Variants in HS6ST3 observed in about 807,000 individuals in gnomAD.
The protein encoded by HS6ST3 is heparan-sulfate 6-O-sulfotransferase 3.
A neutral mutation model predicts 36.7 loss-of-function variants in HS6ST3; 12 were observed. The observed-to-expected ratio is 0.33, with a 90% CI of 0.21 to 0.53. The LOEUF (loss-of-function observed/expected upper bound fraction) is 0.53, where lower values mean the gene tolerates loss of function less well. HS6ST3 is among the 20% of genes least tolerant of loss of function. HS6ST3 has a pLI of 0.95. For missense variants in HS6ST3, 584 were observed against 640.9 expected, an observed-to-expected ratio of 0.91 and a Z score of 0.96; for synonymous variants, 240 against 257.5, an observed-to-expected ratio of 0.93 and a Z score of 0.65.
At chr13:96,762,067 T>C (rs1387354565) in intron 1 of HS6ST3, among the ~76,000 whole-genome samples, 1 of 152,068 alleles carries the variant, frequency 6.6e-6, no homozygotes, top group African/African-American at 2.4e-5. Context: ...TATATATATA[T>C]ACACATATAC....
intron 1 of HS6ST3, among the ~76,000 whole-genome samples, chr13:96,831,954 C>CAAAAAA (rs35266831): frequency 0.056 from 1,229 of 21,848 alleles, 221 homozygotes; most frequent in Non-Finnish European, 0.081. Flanking sequence ...GACTCCCTCT[C>CAAAAAA]AAAAAAAAAA....
chr13:96,355,264 A>C (rs1359616650), intron 1 of HS6ST3, among the ~76,000 whole-genome samples: 1 of 152,018 alleles, frequency 6.6e-6, no homozygotes, highest in African/African-American at 2.4e-5. Context: ...TATCACCCTG[A>C]ACAGGAGTTT....
chr13:96,779,303 G>A (rs1877469076), intron 1 of HS6ST3, among the ~76,000 whole-genome samples: 1 of 148,076 alleles, frequency 6.8e-6, no homozygotes, highest in African/African-American at 2.6e-5. Flanking sequence ...ATGTATTCCA[G>A]AACTTAAAGT....
At chr13:96,803,226 T>A (rs1878123280) in intron 1 of HS6ST3, among the ~76,000 whole-genome samples, 1 of 152,178 alleles carries the variant, frequency 6.6e-6, no homozygotes, top group Non-Finnish European at 1.5e-5. Context: ...CTATTTCAAG[T>A]CCTCTTACCA....
chr13:96,108,433 C>T (rs1260094238), intron 1 of HS6ST3, among the ~76,000 whole-genome samples: 1 of 152,188 alleles, frequency 6.6e-6, no homozygotes, highest in Non-Finnish European at 1.5e-5. Flanking sequence ...TGTGACCTTG[C>T]CCTGCCCATT....
chr13:96,385,103 C>A (rs1369760789), intron 1 of HS6ST3, among the ~76,000 whole-genome samples: 1 of 148,626 alleles, frequency 6.7e-6, no homozygotes, highest in Admixed American at 6.9e-5. Context: ...CGCTTGAACC[C>A]AGGAGGCAGA....
At chr13:96,708,002 G>A (rs1022567841) in intron 1 of HS6ST3, among the ~76,000 whole-genome samples, 1 of 152,206 alleles carries the variant, frequency 6.6e-6, no homozygotes, top group African/African-American at 2.4e-5. Context: ...CAGTCAGTAA[G>A]AGTTGCAAAG....
At position 96,658,268 on chromosome 13, in the gene HS6ST3, C is replaced by CTTTTTTTTTTTTTTTTTT. The variant is rs71213623; in HGVS notation, c.708-174209_708-174192dup. ...TTCTTCTTCTTCTTCTCTTCTTCTT[C>CTTTTTTTTTTTTTTTTTT]TTTTTTTTTTTTTTTTTTTTTTTTT... On this transcript the variant is annotated intron_variant, in intron 1 of 1. Transcript: ENST00000376705. 9.7e-4 allele frequency among the ~76,000 whole-genome samples: 74 copies of CTTTTTTTTTTTTTTTTTT among 76,150 alleles called. 7 individuals are homozygous for CTTTTTTTTTTTTTTTTTT. The highest frequency in any genetic ancestry group is 4.1e-3 in the East Asian group (8 of 1,938). The allele number at this position is 76,150 out of a possible 152,430, so 50.0% of individuals were successfully genotyped here. A position where few individuals can be genotyped will look rare whatever the true frequency, so the allele number is the denominator to read the frequency against.
rs57045134 is a variant in HS6ST3 at position 96,160,938 on chromosome 13, A to G, written c.707+69369A>G. On this transcript the variant is annotated intron_variant, in intron 1 of 1. Coordinates refer to ENST00000376705, the MANE Select transcript of HS6ST3 (RefSeq NM_153456.4). Reference sequence around the variant, plus strand: ...GTACAGGCTCAAAATTTGAAGAGGTAATTCCTGTTTGCTATAATTTAGAGC... The same window carrying G: ...GTACAGGCTCAAAATTTGAAGAGGTGATTCCTGTTTGCTATAATTTAGAGC... 6.4e-3 allele frequency among the ~76,000 whole-genome samples: 970 copies of G among 152,282 alleles called. 11 individuals are homozygous for G. Among genetic ancestry groups the G allele is most frequent in the African/African-American group, 0.022 (934 of 41,556 alleles).
rs58261240 is a variant in HS6ST3, at chr13:96,103,953, GT to G, written c.707+12403del. Among the ~76,000 whole-genome samples, 1,440 of 145,436 alleles carry G rather than the reference GT, an allele frequency of 9.9e-3. 13 individuals are homozygous for G. Among genetic ancestry groups the G allele is most frequent in the African/African-American group, 0.028 (1,097 of 39,630 alleles). ...TTTGGCATAGATCAAGGTTTGAGGT[GT>G]TTTTTTTTTTTTTTTTTTCCCATTG... On this transcript the variant is annotated intron_variant, in intron 1 of 1. Transcript: ENST00000376705.
chr13:96,751,542 C>T (rs1014130041), intron 1 of HS6ST3, among the ~76,000 whole-genome samples: 2 of 152,028 alleles, frequency 1.3e-5, no homozygotes, highest in African/African-American at 4.8e-5. Context: ...TTGTTTTAAG[C>T]CACCAAGTTT....
chr13:96,567,573 C>A (rs1057446967), intron 1 of HS6ST3, among the ~76,000 whole-genome samples: 1 of 152,108 alleles, frequency 6.6e-6, no homozygotes, highest in African/African-American at 2.4e-5. Context: ...TTTACACACA[C>A]ACCCTCTTTA....
chr13:96,688,088 A>G (rs1874836423), intron 1 of HS6ST3, among the ~76,000 whole-genome samples: 6 of 143,900 alleles, frequency 4.2e-5, no homozygotes, highest in African/African-American at 1.3e-4. Context: ...GGGGGGGGGG[A>G]GGGATAGCAT....
chr13:96,132,162 AC>A (rs2053979383), intron 1 of HS6ST3, among the ~76,000 whole-genome samples: 1 of 149,008 alleles, frequency 6.7e-6, no homozygotes, highest in Non-Finnish European at 1.5e-5. Flanking sequence ...ACACACACAC[AC>A]ACACACACAG....
chr13:96,701,306 T>C (rs1301681318), intron 1 of HS6ST3, among the ~76,000 whole-genome samples: 1 of 152,218 alleles, frequency 6.6e-6, no homozygotes, highest in Non-Finnish European at 1.5e-5. Context: ...GAAATGTTAA[T>C]TACTGGTCTG....
chr13:96,739,110 A>C (rs1876366317), intron 1 of HS6ST3, among the ~76,000 whole-genome samples: 1 of 144,342 alleles, frequency 6.9e-6, no homozygotes, highest in East Asian at 2.0e-4. Flanking sequence ...TCCCCTTTCT[A>C]CTCCTTCTTA....
intron 1 of HS6ST3, among the ~76,000 whole-genome samples, chr13:96,612,697 A>G (rs1014411401): frequency 2.0e-5 from 3 of 152,120 alleles, no homozygotes; most frequent in South Asian, 2.1e-4. Flanking sequence ...TCTCTCTCAC[A>G]TAGCAGCTGC....
At position 96,123,319 on chromosome 13, in the gene HS6ST3, T is replaced by C. The variant is rs151040089; in HGVS notation, c.707+31750T>C. On this transcript the variant is annotated intron_variant, in intron 1 of 1. Transcript: ENST00000376705. ...AGAAGAATGGAGTATTCTTAAATAATGGAGGAAATACATATTATTCAAGTG... is the reference window on the plus strand; with the variant it reads ...AGAAGAATGGAGTATTCTTAAATAACGGAGGAAATACATATTATTCAAGTG... 1.2e-3 allele frequency among the ~76,000 whole-genome samples: 177 copies of C among 152,336 alleles called. 5 individuals are homozygous for C. In the South Asian group the frequency reaches 0.034, roughly 29 times the overall value.
intron 1 of HS6ST3, among the ~76,000 whole-genome samples, chr13:96,129,444 A>G (rs1349305765): frequency 6.6e-6 from 1 of 152,208 alleles, no homozygotes; most frequent in African/African-American, 2.4e-5. Flanking sequence ...ATTGGAGTTT[A>G]TTGAAACATC....
Sources: gnomAD v4.1 joint callset for allele counts (sites outside exome capture counted in the v4.1 genomes callset) on GRCh38, gnomAD v4.1.1 for gene constraint, MANE v1.5 for transcripts, NCBI Gene and HGNC (gene_info 2026-07-23, HGNC 2026-07-21) for gene names.